Variants in CDK16 observed in about 807,000 individuals in gnomAD.
CDK16 encodes cyclin-dependent kinase 16.
In CDK16, 2 loss-of-function variants were observed where a neutral mutation model predicts 41.6. That is an observed-to-expected ratio of 0.05 (90% CI 0.02 to 0.15). The LOEUF (loss-of-function observed/expected upper bound fraction) is 0.15. Ranked by LOEUF, CDK16 falls within the 10% of genes least tolerant of loss-of-function variation. The probability of loss-of-function intolerance (pLI) is 1.00; values close to 1 mark genes in which losing one functional copy is unlikely to be tolerated. For synonymous variants in CDK16, 169 were observed against 169.7 expected (o/e 1.00, Z 0.03); for missense variants, 228 against 428.9 (o/e 0.53, Z 4.14).
chrX:47,226,229 C>T lies in CDK16; in HGVS notation c.793-50C>T, dbSNP rs144466284. The T allele has an allele frequency of 2.0e-3, 2,430 of 1,203,886 alleles. 59 individuals are homozygous for T. The East Asian group carries it at 0.061, about 30-fold the overall frequency. ...GAGGGGAGCAGTGCCTGCTGGGGGT[C>T]GGGCTAGTGGATAGTCTTTGACCTC... On this transcript the variant is annotated intron_variant, in intron 8 of 15. Transcript: ENST00000357227.
chrX:47,219,382 A>C (rs1428965776), intron 1 of CDK16, among the ~76,000 whole-genome samples: 1 of 102,087 alleles, frequency 9.8e-6, no homozygotes, highest in Non-Finnish European at 2.0e-5. Context: ...ATGGGGTGAA[A>C]GACTTGGGGG....
chrX:47,228,292 C>T (rs1339333733), intron 14 of CDK16: 2 of 309,317 alleles, frequency 6.5e-6, no homozygotes, highest in African/African-American at 2.7e-5. Flanking sequence ...TAAAGCAAAC[C>T]CCAAACACCA....
intron 2 of CDK16, among the ~76,000 whole-genome samples, chrX:47,223,974 T>G (rs1414321960): frequency 9.0e-6 from 1 of 110,651 alleles, no homozygotes; most frequent in Non-Finnish European, 1.9e-5. Context: ...GGCCCCGTGG[T>G]GGGGGACAGA....
chrX:47,224,412 G>C lies in CDK16; in HGVS notation c.230G>C (p.Gly77Ala). The C allele has an allele frequency of 3.3e-6, 4 of 1,201,076 alleles. No homozygotes were observed. Among genetic ancestry groups the C allele is most frequent in the Non-Finnish European group, 4.5e-6 (4 of 889,637 alleles). The change falls in exon 3 of 16, where the codon GGG (glycine) becomes GCG (alanine). Residue 77 changes from glycine (G) to alanine (A), a missense_variant. By Grantham distance (60) the Gly-to-Ala change is moderately conservative. This residue lies in a region of CDK16 where 71 missense variants were observed against 102.2 expected (regional missense o/e 0.69). Transcript: ENST00000357227. ...ATTGTGCACGAGGACTTGAAGATGG[G>C]GTCTGATGGGGAGAGTGACCAGGCT... Reference protein sequence around the residue: ...PEIVHEDLKMGSDGESDQASA... With the variant: ...PEIVHEDLKMASDGESDQASA...
At position 47,224,274 on chromosome X, in the gene CDK16, G is replaced by C; in HGVS notation, c.203-111G>C. The C allele has an allele frequency of 2.3e-6, 2 of 866,565 alleles. 1 individual carries two copies. The highest frequency in any genetic ancestry group is 3.2e-6 in the Non-Finnish European group (2 of 629,374). 71.4% of individuals were successfully genotyped at this position (866,565 alleles called of 1,213,427 possible). Reference sequence around the variant, plus strand: ...CTCCCCGAGGGACTCCAGGTTTCCTGTGGGGGCCACGTGCACACATGTGTG... The same window carrying C: ...CTCCCCGAGGGACTCCAGGTTTCCTCTGGGGGCCACGTGCACACATGTGTG... On this transcript the variant is annotated intron_variant, in intron 2 of 15. Coordinates refer to ENST00000357227, the MANE Select transcript of CDK16 (RefSeq NM_006201.5).
rs190554694 is a variant in CDK16 at position 47,229,836 on chromosome X, T to A, written c.*1068T>A. On this transcript the variant is annotated 3_prime_UTR_variant, in exon 16 of 16. Transcript: ENST00000357227. ...GGGCAGGGACAGTCTCCAGGGTCAG[T>A]CCCTGGATGGGTGGTTACCTCCCCT... is the stretch of plus-strand genomic sequence containing the variant. 674 of 105,982 alleles carry A rather than the reference T, an allele frequency of 6.4e-3. 6 individuals are homozygous for A. Among genetic ancestry groups the A allele is most frequent in the African/African-American group, 0.022 (634 of 29,407 alleles). The allele number at this position is 105,982 out of a possible 1,213,427, so 8.7% of individuals were successfully genotyped here.
chrX:47,226,510 A>G (rs1310496724), intron 9 of CDK16, 73 bp from the exon 10 acceptor site: 2 of 1,192,458 alleles, frequency 1.7e-6, no homozygotes, highest in African/African-American at 3.5e-5. Context: ...GGACACCCTC[A>G]GTCTCAACTG....
In CDK16 at chrX:47,219,013, G is replaced by A. The variant is rs1197453524; in HGVS notation, c.-99G>A. On this transcript the variant is annotated 5_prime_UTR_variant, in exon 1 of 16. Transcript: ENST00000357227. ...GACGGGCGCCTGCGGCGAACAGGAG[G>A]AGAAGGAGGTCGCGCGGCCTCATCC... 41 of 864,927 alleles carry A rather than the reference G, an allele frequency of 4.7e-5. No individual in the cohort carries two copies. The highest frequency in any genetic ancestry group is 1.7e-4 in the South Asian group (5 of 29,339). 71.3% of individuals were successfully genotyped at this position (864,927 alleles called of 1,213,427 possible). A position where few individuals can be genotyped will look rare whatever the true frequency, so the allele number is the denominator to read the frequency against.
In CDK16 at chrX:47,220,742, C is replaced by T. The variant is rs150747165; in HGVS notation, c.-7+1637C>T. 9.4e-3 allele frequency among the ~76,000 whole-genome samples: 1,035 copies of T among 110,302 alleles called. 13 individuals carry two copies. Among genetic ancestry groups the T allele is most frequent in the African/African-American group, 0.033 (987 of 30,168 alleles). On this transcript the variant is annotated intron_variant, in intron 1 of 15. Coordinates refer to ENST00000357227, the MANE Select transcript of CDK16 (RefSeq NM_006201.5). Reference sequence around the variant, plus strand: ...AAGGATGGTCGTAGCTGTGAAGGGGCCTGAGTGTGGGTAACACTGGTTAGA... The same window carrying T: ...AAGGATGGTCGTAGCTGTGAAGGGGTCTGAGTGTGGGTAACACTGGTTAGA...
Position 47,228,778 on chromosome X carries a change from C to G in CDK16, c.*10C>G, listed in dbSNP as rs770113744. 3.3e-6 allele frequency: 4 copies of G among 1,208,556 alleles called. No individual in the cohort carries two copies. Among genetic ancestry groups the G allele is most frequent in the South Asian group, 1.8e-5 (1 of 56,587 alleles). On this transcript the variant is annotated 3_prime_UTR_variant, in exon 16 of 16. Coordinates refer to ENST00000357227, the MANE Select transcript of CDK16 (RefSeq NM_006201.5). ...GGACACCGAGTTCTAAGCCACAGACCGAGGCCCCAGCAGGCAGCGGCTGGA... is the reference window on the plus strand; with the variant it reads ...GGACACCGAGTTCTAAGCCACAGACGGAGGCCCCAGCAGGCAGCGGCTGGA...
chrX:47,221,389 G>A (rs756080067), intron 1 of CDK16, among the ~76,000 whole-genome samples: 3 of 112,047 alleles, frequency 2.7e-5, no homozygotes, highest in African/African-American at 9.8e-5. Context: ...GTTCACAGGG[G>A]CATGTCTGAG....
intron 1 of CDK16, 110 bp from the exon 2 acceptor site, chrX:47,223,442 A>C (rs1937433728): frequency 1.0e-6 from 1 of 989,097 alleles, no homozygotes; most frequent in Non-Finnish European, 1.4e-6. Flanking sequence ...TTGAGTGAGC[A>C]CTGACAAGTT....
intron 6 of CDK16, 116 bp from the exon 7 acceptor site, chrX:47,225,656 A>T: frequency 1.9e-6 from 1 of 531,017 alleles, no homozygotes; most frequent in Non-Finnish European, 3.2e-6. Flanking sequence ...ATTACCCTGA[A>T]CTGTCTAGAG....
chrX:47,225,522 G>A, intron 6 of CDK16, among the ~76,000 whole-genome samples: 1 of 111,825 alleles, frequency 8.9e-6, no homozygotes, highest in African/African-American at 3.3e-5. Flanking sequence ...TGTCACATGA[G>A]CCTGGGGCTG....
intron 1 of CDK16, among the ~76,000 whole-genome samples, chrX:47,221,582 C>T (rs1226323248): frequency 9.0e-6 from 1 of 111,419 alleles, no homozygotes. Flanking sequence ...TTCCAGTCTC[C>T]CCCAGCCCCT....
Position 47,224,641 on chromosome X carries a change from A to C in CDK16, c.360A>C (p.Leu120=). 8.3e-7 allele frequency: 1 copy of C among 1,211,517 alleles called. No homozygotes were observed. The highest frequency in any genetic ancestry group is 1.1e-6 in the Non-Finnish European group (1 of 895,426). ...STEDINKRLS[L]PADIRLPEGY... ...AGGACATCAACAAGCGCCTATCACT[A>C]CCAGCTGACATCCGGCTGCCTGAGG... Residue 120 remains leucine, a synonymous_variant, in exon 4 of 16, where the codon CTA becomes CTC. Transcript: ENST00000357227.
At chrX:47,225,747 T>C (rs755858523) in intron 6 of CDK16, 25 bp from the exon 7 acceptor site, 1 of 1,133,084 alleles carries the variant, frequency 8.8e-7, no homozygotes, top group East Asian at 3.0e-5. Flanking sequence ...ACTCTTCCCC[T>C]GTCCCACTCC....
intron 1 of CDK16, among the ~76,000 whole-genome samples, chrX:47,221,358 T>A (rs1436747661): frequency 4.5e-5 from 5 of 112,178 alleles, no homozygotes; most frequent in Non-Finnish European, 9.4e-5. Context: ...TTTCCTTGCG[T>A]ATAAATGTTC....
rs1556796099 is a variant in CDK16 at position 47,218,701 on chromosome X, C to T, written c.-411C>T. 8.6e-7 allele frequency: 1 copy of T among 1,165,739 alleles called. No individual in the cohort carries two copies. The highest frequency in any genetic ancestry group is 2.3e-4 in the Middle Eastern group (1 of 4,296). ...CCTTTCCACTTCACCCTTCCGAGCG[C>T]CTGCGTGCGCATGCGCGGAGCGCGG... is the stretch of plus-strand genomic sequence containing the variant. On this transcript the variant is annotated 5_prime_UTR_variant, in exon 1 of 16. Transcript: ENST00000357227.
Sources: gnomAD v4.1 joint callset for allele counts (sites outside exome capture counted in the v4.1 genomes callset) on GRCh38, gnomAD v4.1.1 for gene constraint, gnomAD v4.1.1 regional missense constraint, MANE v1.5 for transcripts, NCBI Gene and HGNC (gene_info 2026-07-23, HGNC 2026-07-21) for gene names.